The following TAF3 variants were observed in gnomAD, a reference collection of about 807,000 sequenced individuals.
TAF3 encodes TATA-box binding protein associated factor 3.
Under a neutral mutation model 80.6 loss-of-function variants are expected in TAF3, and 7 were observed. The ratio of observed to expected loss-of-function variants is 0.09; its 90% CI spans 0.05 to 0.16. The LOEUF is 0.16. TAF3 is among the 10% of genes least tolerant of loss of function. The pLI is 1.00. For synonymous variants in TAF3, 444 were observed against 446.1 expected (o/e 1.00, Z 0.06); for missense variants, 921 against 1,140.2 (o/e 0.81, Z 2.77).
intron 2 of TAF3, among the ~76,000 whole-genome samples, chr10:7,841,869 T>C (rs953155076): frequency 6.6e-6 from 1 of 152,144 alleles, no homozygotes; most frequent in African/African-American, 2.4e-5. Flanking sequence ...CTAACAAAAC[T>C]TTTTATTTAT....
At chr10:7,843,275 CTT>C (rs35391531) in intron 2 of TAF3, among the ~76,000 whole-genome samples, 7 of 144,536 alleles carry the variant, frequency 4.8e-5, no homozygotes, top group East Asian at 2.0e-4. Context: ...GCCCAGCTAA[CTT>C]TTTTTTTTTT....
intron 2 of TAF3, among the ~76,000 whole-genome samples, chr10:7,836,250 C>G (rs529498493): frequency 6.6e-6 from 1 of 151,906 alleles, no homozygotes; most frequent in Non-Finnish European, 1.5e-5. Context: ...TCAGACCCTG[C>G]AACCAGTTGC....
intron 2 of TAF3, among the ~76,000 whole-genome samples, chr10:7,939,508 A>T (rs1464565490): frequency 2.6e-5 from 4 of 152,160 alleles, no homozygotes; most frequent in East Asian, 3.9e-4. Flanking sequence ...CAGAAATGAA[A>T]GGTATCCCAC....
intron 2 of TAF3, among the ~76,000 whole-genome samples, chr10:7,886,837 GA>G (rs1837412852): frequency 6.6e-6 from 1 of 152,088 alleles, no homozygotes; most frequent in South Asian, 2.1e-4. Context: ...AAAATTAATA[GA>G]AAAAATATAG....
At chr10:7,965,771 C>G in intron 3 of TAF3, 29 bp downstream of exon 3, 1 of 1,509,282 alleles carries the variant, frequency 6.6e-7, no homozygotes, top group Non-Finnish European at 8.8e-7. Flanking sequence ...TTGGCCCTAT[C>G]TGAACAGAGT....
At chr10:7,946,296 G>A (rs768363890) in intron 2 of TAF3, among the ~76,000 whole-genome samples, 1 of 152,090 alleles carries the variant, frequency 6.6e-6, no homozygotes, top group South Asian at 2.1e-4. Flanking sequence ...CACAAAACTC[G>A]TTACGCAGTA....
intron 4 of TAF3, among the ~76,000 whole-genome samples, chr10:7,980,412 C>G (rs1001299177): frequency 3.9e-5 from 6 of 152,166 alleles, no homozygotes; most frequent in African/African-American, 1.2e-4. Flanking sequence ...TGAAGCAAGA[C>G]AGGAATAACT....
At chr10:7,867,115 C>T (rs1216222754) in intron 2 of TAF3, among the ~76,000 whole-genome samples, 2 of 151,944 alleles carry the variant, frequency 1.3e-5, no homozygotes, top group Non-Finnish European at 2.9e-5. Context: ...AAAAATTAGC[C>T]AGGCATGGTG....
intron 4 of TAF3, among the ~76,000 whole-genome samples, chr10:7,994,184 G>A (rs879440149): frequency 2.6e-5 from 4 of 151,492 alleles, no homozygotes; most frequent in South Asian, 2.1e-4. Context: ...ACTGGGTTTC[G>A]ACACAACCTC....
At chr10:7,833,444 T>A (rs1043477313) in intron 2 of TAF3, among the ~76,000 whole-genome samples, 3 of 152,228 alleles carry the variant, frequency 2.0e-5, no homozygotes, top group Admixed American at 2.0e-4. Flanking sequence ...TCTGTAATGA[T>A]TAGTAATGTT....
chr10:7,982,839 A>T (rs935445197), intron 4 of TAF3, among the ~76,000 whole-genome samples: 20 of 152,338 alleles, frequency 1.3e-4, no homozygotes, highest in African/African-American at 4.6e-4. Flanking sequence ...TAGGTGACCC[A>T]AAGGCATTTT....
intron 2 of TAF3, among the ~76,000 whole-genome samples, chr10:7,939,577 T>TACACAC (rs71385681): frequency 0.024 from 3,406 of 139,224 alleles, 51 homozygotes; most frequent in Admixed American, 0.044. Context: ...AGAAGAAAAC[T>TACACAC]ACACACACAC....
intron 3 of TAF3, among the ~76,000 whole-genome samples, chr10:7,976,862 A>G (rs1831678584): frequency 6.6e-6 from 1 of 152,180 alleles, no homozygotes; most frequent in African/African-American, 2.4e-5. Flanking sequence ...AGATGCTTTT[A>G]TCTTATAGGG....
chr10:7,874,127 A>G (rs1178086743), intron 2 of TAF3, among the ~76,000 whole-genome samples: 1 of 152,228 alleles, frequency 6.6e-6, no homozygotes, highest in East Asian at 1.9e-4. Flanking sequence ...GTCATATAAA[A>G]TATACCTCTT....
At chr10:7,854,606 G>T (rs997833476) in intron 2 of TAF3, among the ~76,000 whole-genome samples, 9 of 144,096 alleles carry the variant, frequency 6.2e-5, no homozygotes, top group African/African-American at 2.3e-4. Flanking sequence ...CCTGGACCTT[G>T]AAGGATAAGA....
At chr10:7,927,502 T>C (rs1404194227) in intron 2 of TAF3, among the ~76,000 whole-genome samples, 2 of 152,234 alleles carry the variant, frequency 1.3e-5, no homozygotes, top group Non-Finnish European at 2.9e-5. Context: ...CAAATGTCCT[T>C]TCTTCCCTCC....
At position 8,010,208 on chromosome 10, in the gene TAF3, A is replaced by G. The variant is rs546922306; in HGVS notation, c.2568+878A>G. Among the ~76,000 whole-genome samples, 5 of 152,340 alleles carry G rather than the reference A, an allele frequency of 3.3e-5. No individual in the cohort carries two copies. The South Asian group carries it at 1.0e-3, about 32-fold the overall frequency. On this transcript the variant is annotated intron_variant, in intron 5 of 6. Transcript: ENST00000344293. ...AGGCATGAACAACCATGCCCAGCCAAGATGCATTTCTTCATTGCAGTTTTT... is the reference window on the plus strand; with the variant it reads ...AGGCATGAACAACCATGCCCAGCCAGGATGCATTTCTTCATTGCAGTTTTT...
chr10:7,965,846 A>C, intron 3 of TAF3, 104 bp downstream of exon 3: 1 of 1,377,576 alleles, frequency 7.3e-7, no homozygotes, highest in Non-Finnish European at 9.4e-7. Context: ...TAAATCACCC[A>C]TCACTTAAGT....
At chr10:7,888,314 A>G (rs1196041186) in intron 2 of TAF3, among the ~76,000 whole-genome samples, 1 of 152,176 alleles carries the variant, frequency 6.6e-6, no homozygotes, top group African/African-American at 2.4e-5. Context: ...AATGGTTTCC[A>G]GAGTGATGCA....
Sources: allele counts gnomAD v4.1 joint callset (sites outside exome capture counted in the v4.1 genomes callset), GRCh38; gene constraint gnomAD v4.1.1; transcripts MANE v1.5; gene names NCBI Gene and HGNC (gene_info 2026-07-23, HGNC 2026-07-21).